The following ASZ1 variants were observed in gnomAD, a reference collection of about 807,000 sequenced individuals.
ASZ1 encodes ankyrin repeat, SAM and basic leucine zipper domain containing 1, also known as ankyrin repeat, SAM and basic leucine zipper domain-containing protein 1.
In ASZ1, 67 loss-of-function variants were observed where a neutral mutation model predicts 61.8. The ratio of observed to expected loss-of-function variants is 1.08; its 90% confidence interval spans 0.89 to 1.33. ASZ1 has a LOEUF of 1.33. Ranked by LOEUF, ASZ1 falls within the 40% of genes most tolerant of loss-of-function variation. The probability of loss-of-function intolerance (pLI) is 0.00; values close to 1 mark genes in which losing one functional copy is unlikely to be tolerated. For missense variants in ASZ1, 577 were observed against 554.5 expected (o/e 1.04, Z -0.41); for synonymous variants, 193 against 192.7 (o/e 1.00, Z -0.01).
Position 117,427,367 on chromosome 7 carries a change from G to A in ASZ1, c.94C>T (p.Arg32Trp), listed in dbSNP as rs200922374. Reference protein sequence around the residue: ...DDGWEIGYLDRTSQKLKRLLP... With the variant: ...DDGWEIGYLDWTSQKLKRLLP... ...GCCTCCTCCGCTACCTGAGACGTCC[G>A]GTCGAGATACCCAATCTCCCAGCCA... is the stretch of plus-strand genomic sequence containing the variant. Residue 32 changes from arginine (R) to tryptophan (W), a missense_variant, in exon 1 of 13, where the codon CGG becomes TGG. Physicochemically the swap from Arg to Trp is moderately radical, Grantham distance 101. Coordinates refer to ENST00000284629, the MANE Select transcript of ASZ1 (RefSeq NM_130768.3). The A allele has an allele frequency of 3.7e-6, 6 of 1,614,186 alleles. No homozygotes were observed. The highest frequency in any genetic ancestry group is 2.7e-5 in the African/African-American group (2 of 75,054).
At chr7:117,375,137 A>T (rs1269257777) in intron 10 of ASZ1, among the ~76,000 whole-genome samples, 1 of 152,054 alleles carries the variant, frequency 6.6e-6, no homozygotes, top group Admixed American at 6.6e-5. Context: ...GTGGAATGAA[A>T]ACAATTATTA....
At chr7:117,397,026 A>G (rs958067064) in intron 4 of ASZ1, among the ~76,000 whole-genome samples, 4 of 151,356 alleles carry the variant, frequency 2.6e-5, no homozygotes, top group Non-Finnish European at 5.9e-5. Context: ...AAATAATTAA[A>G]TTAATTAAAA....
intron 7 of ASZ1, 70 bp downstream of exon 7, chr7:117,382,916 A>T: frequency 1.4e-6 from 2 of 1,382,166 alleles, no homozygotes; most frequent in Admixed American, 2.8e-5. Flanking sequence ...AAGTCACCAC[A>T]TTTACTACAA....
At chr7:117,420,681 C>T (rs1203180529) in intron 3 of ASZ1, among the ~76,000 whole-genome samples, 2 of 152,188 alleles carry the variant, frequency 1.3e-5, no homozygotes, top group East Asian at 1.9e-4. Context: ...TGAAATCTGG[C>T]TTATAAACTA....
chr7:117,387,642 ATCACT>A, intron 4 of ASZ1, among the ~76,000 whole-genome samples: 1 of 152,228 alleles, frequency 6.6e-6, no homozygotes, highest in Admixed American at 6.5e-5. Flanking sequence ...TCTGCTTCTG[ATCACT>A]TTTCATCACC....
intron 4 of ASZ1, among the ~76,000 whole-genome samples, chr7:117,403,539 C>T (rs777902695): frequency 6.6e-6 from 1 of 152,156 alleles, no homozygotes; most frequent in Non-Finnish European, 1.5e-5. Context: ...GAGGGTCAAG[C>T]CTGACAAAAT....
In ASZ1 at chr7:117,415,632, T is replaced by C. The variant is rs1379201304; in HGVS notation, c.440+4531A>G. ...GAAAAAATACAGTATTTATAGGGTTTGGTAGTATCAATGTTTTCAGGCGTC... is the reference window on the plus strand; with the variant it reads ...GAAAAAATACAGTATTTATAGGGTTCGGTAGTATCAATGTTTTCAGGCGTC... On this transcript the variant is annotated intron_variant, in intron 4 of 12. Coordinates refer to ENST00000284629, the MANE Select transcript of ASZ1 (RefSeq NM_130768.3). Among the ~76,000 whole-genome samples the C allele has an allele frequency of 2.0e-5, 3 of 152,286 alleles. No homozygotes were observed. The East Asian group carries it at 5.8e-4, about 29-fold the overall frequency.
chr7:117,427,223 A>C lies in ASZ1; in HGVS notation c.105+133T>G, dbSNP rs1447207585. On this transcript the variant is annotated intron_variant, in intron 1 of 12. Transcript: ENST00000284629. ...ATTTGTGCGGGTTTGCTTAAGTACA[A>C]ACTCCCGTATTTCCACTGGGTAAAA... The C allele has an allele frequency of 2.5e-5, 28 of 1,102,144 alleles. No homozygotes were observed. The Admixed American group carries it at 5.8e-4, about 23-fold the overall frequency. 68.3% of individuals were successfully genotyped at this position (1,102,144 alleles called of 1,614,324 possible). A position where few individuals can be genotyped will look rare whatever the true frequency, so the allele number is the denominator to read the frequency against.
chr7:117,367,387 C>A lies in ASZ1; in HGVS notation c.1240G>T (p.Glu414Ter). Residue 414 changes from glutamate to a stop codon, truncating the protein, a stop_gained, in exon 12 of 13, where the codon GAA (glutamate) becomes TAA (stop). Coordinates refer to ENST00000284629, the MANE Select transcript of ASZ1 (RefSeq NM_130768.3). LOFTEE classifies it high-confidence loss of function. ...ELVNNVEDLS[E>*]KVCKLKDLIQ... ...AGGTCTTTTAGTTTGCAGACCTTTT[C>A]ACTCAAATCTTCAACATTATTAACC... 1 of 1,564,442 alleles carries A rather than the reference C, an allele frequency of 6.4e-7. No homozygotes were observed. Among genetic ancestry groups the A allele is most frequent in the Non-Finnish European group, 8.6e-7 (1 of 1,157,704 alleles).
At chr7:117,416,109 C>T (rs1309338320) in intron 4 of ASZ1, among the ~76,000 whole-genome samples, 1 of 152,106 alleles carries the variant, frequency 6.6e-6, no homozygotes, top group Non-Finnish European at 1.5e-5. Flanking sequence ...ATCACCTGAA[C>T]CCGGCAGCTG....
chr7:117,421,122 G>A (rs891955269), intron 3 of ASZ1, among the ~76,000 whole-genome samples: 1 of 152,198 alleles, frequency 6.6e-6, no homozygotes, highest in African/African-American at 2.4e-5. Context: ...ATTACAAGGA[G>A]GGGGAAGTAT....
intron 4 of ASZ1, among the ~76,000 whole-genome samples, chr7:117,397,059 C>T (rs1322250635): frequency 6.6e-6 from 1 of 151,156 alleles, no homozygotes; most frequent in East Asian, 1.9e-4. Flanking sequence ...AATTTAATAA[C>T]AATAATTAAA....
At chr7:117,426,273 G>A (rs1326187657) in intron 2 of ASZ1, among the ~76,000 whole-genome samples, 2 of 150,946 alleles carry the variant, frequency 1.3e-5, no homozygotes, top group African/African-American at 4.9e-5. Context: ...CAAGGTCAGA[G>A]GATCGAGACT....
At chr7:117,389,750 T>G (rs1183629197) in intron 4 of ASZ1, among the ~76,000 whole-genome samples, 2 of 152,188 alleles carry the variant, frequency 1.3e-5, no homozygotes, top group African/African-American at 2.4e-5. Flanking sequence ...ACCCCTTCAT[T>G]TAGCCCAAAA....
intron 4 of ASZ1, among the ~76,000 whole-genome samples, chr7:117,397,271 C>A (rs1796594498): frequency 1.3e-5 from 2 of 151,922 alleles, no homozygotes; most frequent in South Asian, 2.1e-4. Flanking sequence ...CAATAAAAAA[C>A]CAAAGTAAAA....
chr7:117,422,123 T>A, intron 3 of ASZ1, 114 bp downstream of exon 3: 1 of 1,151,394 alleles, frequency 8.7e-7, no homozygotes, highest in South Asian at 1.7e-5. Flanking sequence ...CATAGTATAA[T>A]GAATAGAAAG....
chr7:117,403,703 A>G (rs1461961570), intron 4 of ASZ1, among the ~76,000 whole-genome samples: 1 of 152,170 alleles, frequency 6.6e-6, no homozygotes, highest in Non-Finnish European at 1.5e-5. Flanking sequence ...TGGAACCGAT[A>G]GGTGTTACCA....
chr7:117,385,635 C>CT lies in ASZ1; in HGVS notation c.552+62dup, dbSNP rs1200768959. On this transcript the variant is annotated intron_variant, in intron 5 of 12. Coordinates refer to ENST00000284629, the MANE Select transcript of ASZ1 (RefSeq NM_130768.3). ...TTTGTAATTATTACTTCTTAAAATTCTTTTTTTGTAGATTACTGATAATAA... is the reference window on the plus strand; with the variant it reads ...TTTGTAATTATTACTTCTTAAAATTCTTTTTTTTGTAGATTACTGATAATAA... The CT allele has an allele frequency of 1.3e-5, 18 of 1,335,466 alleles. No individual in the cohort carries two copies. The East Asian group carries it at 2.1e-4, about 16-fold the overall frequency. The allele number at this position is 1,335,466 out of a possible 1,614,324, so 82.7% of individuals were successfully genotyped here. A position where few individuals can be genotyped will look rare whatever the true frequency, so the allele number is the denominator to read the frequency against.
chr7:117,414,931 C>T (rs145474959), intron 4 of ASZ1, among the ~76,000 whole-genome samples: 5,066 of 149,218 alleles, frequency 0.034, 116 homozygotes, highest in African/African-American at 0.041. Flanking sequence ...TGAACAGTGC[C>T]GCAATAAACA....
Sources: allele counts gnomAD v4.1 joint callset (sites outside exome capture counted in the v4.1 genomes callset), GRCh38; gene constraint gnomAD v4.1.1; transcripts MANE v1.5; gene names NCBI Gene and HGNC (gene_info 2026-07-23, HGNC 2026-07-21).